The following KCNK3 variants were observed in gnomAD, a reference collection of about 807,000 sequenced individuals.
The protein encoded by KCNK3 is potassium two pore domain channel subfamily K member 3, also known as potassium channel subfamily K member 3.
In KCNK3, 9 loss-of-function variants were observed where a neutral mutation model predicts 27.3. The ratio of observed to expected loss-of-function variants is 0.33; its 90% CI spans 0.20 to 0.57. The LOEUF is 0.57. KCNK3 is among the 20% of genes least tolerant of loss of function. The pLI is 0.87. For missense variants in KCNK3, 391 were observed against 577.7 expected, an observed-to-expected ratio of 0.68 and a Z score of 3.31; for synonymous variants, 278 against 273.8, an observed-to-expected ratio of 1.02 and a Z score of -0.15.
chr2:26,723,036 C>T (rs891708455), intron 1 of KCNK3, among the ~76,000 whole-genome samples: 4 of 152,198 alleles, frequency 2.6e-5, no homozygotes, highest in Non-Finnish European at 4.4e-5. Flanking sequence ...TTTCCTCTGC[C>T]CAAGGCTGTG....
chr2:26,692,855 G>T lies in KCNK3; in HGVS notation c.-21G>T. ...CGCGGGCCGGGGGCGCCGGGGGGCC[G>T]GCGGCGGCCCGGGCGGGACGATGAA... On this transcript the variant is annotated 5_prime_UTR_variant, in exon 1 of 2. Coordinates refer to ENST00000302909, the MANE Select transcript of KCNK3 (RefSeq NM_002246.3). This position sits in a 1 kb window ranked among gnomAD's most constrained non-coding sequence, Gnocchi z 5.6. The T allele has an allele frequency of 1.6e-6, 2 of 1,218,748 alleles. No individual in the cohort carries two copies. The highest frequency in any genetic ancestry group is 3.2e-4 in the Middle Eastern group (1 of 3,154). The allele number at this position is 1,218,748 out of a possible 1,614,324, so 75.5% of individuals were successfully genotyped here.
intron 1 of KCNK3, among the ~76,000 whole-genome samples, chr2:26,704,901 G>T (rs548819556): frequency 1.2e-4 from 18 of 152,364 alleles, no homozygotes; most frequent in African/African-American, 4.1e-4. Flanking sequence ...ACTCTGGACT[G>T]AGCCCTTTAC....
At position 26,727,999 on chromosome 2, in the gene KCNK3, G is replaced by T. The variant is rs1663455969; in HGVS notation, c.616G>T (p.Val206Leu). Reference protein sequence around the residue: ...TLTTIGFGDYVALQKDQALQT... With the variant: ...TLTTIGFGDYLALQKDQALQT... ...CACCACCATCGGCTTCGGCGACTAC[G>T]TGGCGCTGCAGAAGGACCAGGCCCT... Residue 206 changes from valine (V) to leucine (L), a missense_variant, in exon 2 of 2, where the codon GTG becomes TTG. Physicochemically the swap from Val to Leu is conservative, Grantham distance 32 (BLOSUM62 1). Transcript: ENST00000302909. 1 of 1,614,106 alleles carries T rather than the reference G, an allele frequency of 6.2e-7. No homozygotes were observed. Among genetic ancestry groups the T allele is most frequent in the African/African-American group, 1.3e-5 (1 of 74,930 alleles).
At position 26,706,998 on chromosome 2, in the gene KCNK3, C is replaced by G. The variant is rs181053900; in HGVS notation, c.283+13840C>G. ...CTGCCCTGGCCTCCCCTCCAGCCCT[C>G]CCGAGAAGCATGCTACCCAGGATTA... is the stretch of plus-strand genomic sequence containing the variant. On this transcript the variant is annotated intron_variant, in intron 1 of 1. Transcript: ENST00000302909. 1.6e-3 allele frequency among the ~76,000 whole-genome samples: 251 copies of G among 152,282 alleles called. 1 individual carries two copies. Among genetic ancestry groups the G allele is most frequent in the African/African-American group, 5.4e-3 (226 of 41,560 alleles).
chr2:26,699,201 A>AAGAG (rs1298810805), intron 1 of KCNK3, among the ~76,000 whole-genome samples: 2 of 83,618 alleles, frequency 2.4e-5, no homozygotes, highest in African/African-American at 4.1e-5. Context: ...AAAGGAAGGA[A>AAGAG]AGAGAGAGAA....
chr2:26,692,772 AGC>A lies in KCNK3; in HGVS notation c.-101_-100del. The A allele has an allele frequency of 1.8e-6, 1 of 567,290 alleles. No homozygotes were observed. The highest frequency in any genetic ancestry group is 2.1e-5 in the African/African-American group (1 of 48,044). The allele number at this position is 567,290 out of a possible 1,614,324, so 35.1% of individuals were successfully genotyped here. On this transcript the variant is annotated 5_prime_UTR_variant, in exon 1 of 2. Coordinates refer to ENST00000302909, the MANE Select transcript of KCNK3 (RefSeq NM_002246.3). The surrounding 1 kb of genome is among the most constrained non-coding windows in gnomAD (Gnocchi z 5.6). The stretch of plus-strand genomic sequence containing the variant: ...CGGGTGCCCGGCGCGGAGAGCGGCG[AGC>A]GCAGCCATGCCCCAGGCCGCCTCCG...
At chr2:26,709,076 T>C (rs1456980159) in intron 1 of KCNK3, among the ~76,000 whole-genome samples, 1 of 152,158 alleles carries the variant, frequency 6.6e-6, no homozygotes, top group Non-Finnish European at 1.5e-5. Flanking sequence ...GTTTTTGACC[T>C]GAGCAACCAG....
intron 1 of KCNK3, among the ~76,000 whole-genome samples, chr2:26,711,264 G>A (rs1572607940): frequency 1.3e-5 from 2 of 152,236 alleles, no homozygotes. Context: ...ATGAATGAAA[G>A]TGACATTGCC....
At chr2:26,711,051 C>T (rs1304428583) in intron 1 of KCNK3, among the ~76,000 whole-genome samples, 1 of 152,214 alleles carries the variant, frequency 6.6e-6, no homozygotes, top group Non-Finnish European at 1.5e-5. Context: ...AGTGCCGGAG[C>T]TAACCAGCCC....
chr2:26,719,263 A>C (rs1288884242), intron 1 of KCNK3, among the ~76,000 whole-genome samples: 1 of 152,208 alleles, frequency 6.6e-6, no homozygotes, highest in Non-Finnish European at 1.5e-5. Context: ...GATTCGTATC[A>C]TGCAGCTGCC....
intron 1 of KCNK3, among the ~76,000 whole-genome samples, chr2:26,695,004 C>T (rs1375240359): frequency 6.6e-6 from 1 of 152,152 alleles, no homozygotes; most frequent in African/African-American, 2.4e-5. Context: ...CAATTCCCTT[C>T]TTGGAATCCC....
rs1041014173 is a variant in KCNK3, at chr2:26,724,021, G to A, written c.284-3646G>A. ...TGCCCCCTGCCTCATAAAGCCAAGC[G>A]CGACATGGGCAAGGACCAGGCAGGC... On this transcript the variant is annotated intron_variant, in intron 1 of 1. Transcript: ENST00000302909. Among the ~76,000 whole-genome samples the A allele has an allele frequency of 4.6e-5, 7 of 152,342 alleles. 1 individual carries two copies. The highest frequency in any genetic ancestry group is 3.3e-4 in the Admixed American group (5 of 15,306).
chr2:26,724,901 G>T (rs1663385875), intron 1 of KCNK3, among the ~76,000 whole-genome samples: 1 of 152,136 alleles, frequency 6.6e-6, no homozygotes, highest in Non-Finnish European at 1.5e-5. Context: ...GAGAGGAGGG[G>T]CCGGCTTGGC....
intron 1 of KCNK3, among the ~76,000 whole-genome samples, chr2:26,694,324 G>T (rs1670207894): frequency 6.6e-6 from 1 of 152,168 alleles, no homozygotes; most frequent in Non-Finnish European, 1.5e-5. Flanking sequence ...TGTCTTTACT[G>T]TTCCCTCTCC....
intron 1 of KCNK3, among the ~76,000 whole-genome samples, chr2:26,727,159 T>C (rs1423017266): frequency 6.6e-6 from 1 of 151,922 alleles, no homozygotes; most frequent in African/African-American, 2.4e-5. Flanking sequence ...GATCACAGGA[T>C]GTCAGAAACC....
At chr2:26,696,007 G>A (rs1023060877) in intron 1 of KCNK3, among the ~76,000 whole-genome samples, 3 of 152,222 alleles carry the variant, frequency 2.0e-5, no homozygotes, top group African/African-American at 7.2e-5. Context: ...TTTGGGCTGT[G>A]ATCAGATGGT....
chr2:26,700,784 C>A lies in KCNK3; in HGVS notation c.283+7626C>A, dbSNP rs148678797. ...ATCATCACCATCATCATCATCATAT[C>A]TCTCTCTCTGTCTCTCTCTCTCTCA... On this transcript the variant is annotated intron_variant, in intron 1 of 1. Transcript: ENST00000302909. Among the ~76,000 whole-genome samples the A allele has an allele frequency of 4.9e-4, 75 of 152,046 alleles. No individual in the cohort carries two copies. The East Asian group carries it at 0.013, about 27-fold the overall frequency.
chr2:26,701,548 C>T (rs1011120720), intron 1 of KCNK3, among the ~76,000 whole-genome samples: 3 of 152,216 alleles, frequency 2.0e-5, no homozygotes, highest in Non-Finnish European at 2.9e-5. Context: ...AACATCAGAG[C>T]GGGAAACTGG....
intron 1 of KCNK3, among the ~76,000 whole-genome samples, chr2:26,695,696 G>A (rs370163753): frequency 1.2e-4 from 19 of 152,320 alleles, no homozygotes; most frequent in African/African-American, 4.3e-4. Context: ...TTTAAGGTGT[G>A]CAGAAATGAA....
Sources: allele counts gnomAD v4.1 joint callset (sites outside exome capture counted in the v4.1 genomes callset), GRCh38; gene constraint gnomAD v4.1.1; non-coding constraint Gnocchi (gnomAD v3.1); transcripts MANE v1.5; gene names NCBI Gene and HGNC (gene_info 2026-07-23, HGNC 2026-07-21).